The following ZNF605 variants were observed in gnomAD, a reference collection of about 807,000 sequenced individuals.
ZNF605 encodes the protein zinc finger protein 605.
In ZNF605, 9 loss-of-function variants were observed where a neutral mutation model predicts 7.9. The ratio of observed to expected loss-of-function variants is 1.14; its 90% CI spans 0.68 to 1.98. ZNF605 has a LOEUF of 1.98. Among genes scored for constraint, ZNF605 ranks in the 30% most tolerant of loss-of-function variants. The pLI, the probability that ZNF605 is intolerant of heterozygous loss-of-function variation, is 0.00. For missense variants in ZNF605, 673 were observed against 762.4 expected, an observed-to-expected ratio of 0.88 and a Z score of 1.38; for synonymous variants, 255 against 260.1, an observed-to-expected ratio of 0.98 and a Z score of 0.19.
chr12:132,932,845 T>TG, intron 4 of ZNF605, 190 bp downstream of exon 4: 1 of 1,477,798 alleles, frequency 6.8e-7, no homozygotes, highest in Non-Finnish European at 9.1e-7. Flanking sequence ...CCTAACTGCC[T>TG]GGGCTAAGAG....
intron 3 of ZNF605, among the ~76,000 whole-genome samples, chr12:132,937,428 T>G (rs1168557307): frequency 1.3e-5 from 2 of 149,542 alleles, no homozygotes; most frequent in African/African-American, 4.9e-5. Flanking sequence ...GTTCAATATA[T>G]CTGTCAAAAG....
chr12:132,934,197 T>G (rs995060670), intron 3 of ZNF605, among the ~76,000 whole-genome samples: 25 of 152,008 alleles, frequency 1.6e-4, no homozygotes, highest in Non-Finnish European at 3.1e-4. Flanking sequence ...GAGAATCACT[T>G]GAACCTGGGA....
intron 1 of ZNF605, among the ~76,000 whole-genome samples, chr12:132,949,617 G>T (rs1442324388): frequency 6.6e-6 from 1 of 152,124 alleles, no homozygotes; most frequent in Non-Finnish European, 1.5e-5. Flanking sequence ...CTCGCGCCTG[G>T]CATTGGCTCC....
chr12:132,949,912 C>G (rs1196714590), intron 1 of ZNF605, among the ~76,000 whole-genome samples: 1 of 152,178 alleles, frequency 6.6e-6, no homozygotes, highest in African/African-American at 2.4e-5. Context: ...AGGACTCTTT[C>G]TAGTCCGCAG....
At chr12:132,951,243 A>T (rs1952561667) in intron 1 of ZNF605, among the ~76,000 whole-genome samples, 1 of 151,900 alleles carries the variant, frequency 6.6e-6, no homozygotes, top group South Asian at 2.1e-4. Flanking sequence ...ACACTCAGAC[A>T]CGTACATACA....
intron 1 of ZNF605, among the ~76,000 whole-genome samples, chr12:132,953,948 C>A (rs1952602644): frequency 6.6e-6 from 1 of 152,074 alleles, no homozygotes; most frequent in Non-Finnish European, 1.5e-5. Context: ...ATTCAGTCAT[C>A]TCTGGTACCC....
intron 4 of ZNF605, among the ~76,000 whole-genome samples, chr12:132,931,439 C>T (rs893108280): frequency 1.3e-5 from 2 of 152,154 alleles, no homozygotes; most frequent in Non-Finnish European, 2.9e-5. Context: ...AGTTACTATA[C>T]TATAGATGCT....
intron 3 of ZNF605, among the ~76,000 whole-genome samples, chr12:132,938,529 G>A (rs867981864): frequency 6.6e-6 from 1 of 152,194 alleles, no homozygotes; most frequent in Admixed American, 6.5e-5. Context: ...TCGAACTCCC[G>A]ACCTCAGGTG....
intron 1 of ZNF605, among the ~76,000 whole-genome samples, chr12:132,951,173 G>A (rs2137165117): frequency 7.2e-6 from 1 of 139,346 alleles, no homozygotes; most frequent in South Asian, 2.3e-4. Context: ...CGTATACACA[G>A]ACGTACACAC....
At chr12:132,929,983 G>A (rs1021779408) in intron 4 of ZNF605, among the ~76,000 whole-genome samples, 3 of 152,296 alleles carry the variant, frequency 2.0e-5, no homozygotes, top group African/African-American at 7.2e-5. Flanking sequence ...CCAAATTAAT[G>A]GATTAAATGA....
rs984126050 is a variant in ZNF605 at position 132,930,050 on chromosome 12, T to C, written c.137-2888A>G. On this transcript the variant is annotated intron_variant, in intron 4 of 4. Coordinates refer to ENST00000360187, the MANE Select transcript of ZNF605 (RefSeq NM_183238.4). ...TTAAAAGTAGTATTTGGTGATTTTTTAGAGACAGGATATCACTGTGTCGCC... is the reference window on the plus strand; with the variant it reads ...TTAAAAGTAGTATTTGGTGATTTTTCAGAGACAGGATATCACTGTGTCGCC... 1.6e-4 allele frequency among the ~76,000 whole-genome samples: 24 copies of C among 152,362 alleles called. No homozygotes were observed. In the South Asian group the frequency reaches 2.7e-3, roughly 17 times the overall value.
intron 2 of ZNF605, among the ~76,000 whole-genome samples, chr12:132,946,271 T>C (rs775793450): frequency 6.6e-6 from 1 of 152,080 alleles, no homozygotes; most frequent in Non-Finnish European, 1.5e-5. Context: ...AAACAGAAAA[T>C]GGACTTTAGA....
rs1044621719 is a variant in ZNF605 at position 132,939,616 on chromosome 12, C to T, written c.15+6005G>A. 9.3e-3 allele frequency among the ~76,000 whole-genome samples: 1,423 copies of T among 152,246 alleles called. 14 individuals are homozygous for T. Among genetic ancestry groups the T allele is most frequent in the African/African-American group, 0.031 (1,274 of 41,536 alleles). Reference sequence around the variant, plus strand: ...GTAAACGCACCAATCAGCGCCCTGACAAAACAGGCCACTCGGCTCTACCAA... The same window carrying T: ...GTAAACGCACCAATCAGCGCCCTGATAAAACAGGCCACTCGGCTCTACCAA... On this transcript the variant is annotated intron_variant, in intron 3 of 4. Transcript: ENST00000360187.
At chr12:132,950,454 CGCACATACAGACACACAGACAT>C (rs1244204623) in intron 1 of ZNF605, among the ~76,000 whole-genome samples, 5 of 136,262 alleles carry the variant, frequency 3.7e-5, no homozygotes, top group South Asian at 4.2e-4. Flanking sequence ...CGTGCACAGA[CGCACATACAGACACACAGACAT>C]GCACACACAG....
intron 3 of ZNF605, chr12:132,945,176 C>T: frequency 3.8e-6 from 2 of 525,482 alleles, no homozygotes; most frequent in Non-Finnish European, 6.8e-6. Context: ...GTTGGCCAGG[C>T]TGGTCTCAAA....
rs1342272542 is a variant in ZNF605 at position 132,922,927 on chromosome 12, C to T, written c.*2446G>A. On this transcript the variant is annotated 3_prime_UTR_variant, in exon 5 of 5. Coordinates refer to ENST00000360187, the MANE Select transcript of ZNF605 (RefSeq NM_183238.4). ...CAAACCTATGAAGAAACCCCAGTCTCTAGAAGACAGCCTCAGGGGGGAGCA... is the reference window on the plus strand; with the variant it reads ...CAAACCTATGAAGAAACCCCAGTCTTTAGAAGACAGCCTCAGGGGGGAGCA... 1.3e-5 allele frequency: 2 copies of T among 152,308 alleles called. No individual in the cohort carries two copies. The highest frequency in any genetic ancestry group is 4.8e-5 in the African/African-American group (2 of 41,460). The allele number at this position is 152,308 out of a possible 1,614,324, so 9.4% of individuals were successfully genotyped here. A position where few individuals can be genotyped will look rare whatever the true frequency, so the allele number is the denominator to read the frequency against.
chr12:132,935,948 C>T (rs1431628143), intron 3 of ZNF605, among the ~76,000 whole-genome samples: 2 of 147,598 alleles, frequency 1.4e-5, no homozygotes, highest in Non-Finnish European at 3.0e-5. Flanking sequence ...GTAGTCCCAG[C>T]TACTCGGGAG....
chr12:132,926,773 T>G lies in ZNF605; in HGVS notation c.526A>C (p.Arg176=), dbSNP rs1952252172. 6.2e-7 allele frequency: 1 copy of G among 1,613,932 alleles called. No homozygotes were observed. Residue 176 remains arginine (R), a synonymous_variant, in exon 5 of 5, where the codon AGA becomes CGA. Coordinates refer to ENST00000360187, the MANE Select transcript of ZNF605 (RefSeq NM_183238.4). ...AGTTGTGACTTCTTGTTAAAAAATC[T>G]GCCACATTCCATGCATAAATAGACT... ...TGVYLCMECG[R]FFNKKSQLVI...
At chr12:132,939,916 C>G (rs1394354464) in intron 3 of ZNF605, among the ~76,000 whole-genome samples, 2 of 151,774 alleles carry the variant, frequency 1.3e-5, no homozygotes, top group Non-Finnish European at 2.9e-5. Flanking sequence ...AGCTGTAACA[C>G]TCACCGCGAA....
Sources: gnomAD v4.1 joint callset for allele counts (sites outside exome capture counted in the v4.1 genomes callset) on GRCh38, gnomAD v4.1.1 for gene constraint, MANE v1.5 for transcripts, NCBI Gene and HGNC (gene_info 2026-07-23, HGNC 2026-07-21) for gene names.